The following NCAM2 variants were observed in gnomAD, a reference collection of about 807,000 sequenced individuals.
NCAM2 encodes the protein N-CAM-2.
In NCAM2, 30 loss-of-function variants were observed where a neutral mutation model predicts 98.1. The observed-to-expected ratio is 0.31, with a 90% confidence interval of 0.23 to 0.41. NCAM2 has a LOEUF of 0.41. Among genes scored for constraint, NCAM2 ranks in the 10% least tolerant of loss-of-function variants. The pLI is 1.00. For missense variants in NCAM2, 867 were observed against 1,005.8 expected (o/e 0.86, Z 1.87); for synonymous variants, 368 against 342.4 (o/e 1.07, Z -0.83).
intron 1 of NCAM2, among the ~76,000 whole-genome samples, chr21:21,119,271 A>G (rs1239010099): frequency 6.6e-6 from 1 of 152,124 alleles, no homozygotes; most frequent in African/African-American, 2.4e-5. Context: ...CTCAATTCTA[A>G]GTGCTTGTTT....
chr21:21,514,481 A>C (rs1011059840), intron 16 of NCAM2, among the ~76,000 whole-genome samples: 1,108 of 85,312 alleles, frequency 0.013, 19 homozygotes, highest in African/African-American at 0.056. Flanking sequence ...ACAAAAAAAA[A>C]AAAAAAAAAA....
At position 21,091,869 on chromosome 21, in the gene NCAM2, T is replaced by A. The variant is rs191918997; in HGVS notation, c.55+93251T>A. Among the ~76,000 whole-genome samples, 254 of 152,312 alleles carry A rather than the reference T, an allele frequency of 1.7e-3. 1 individual carries two copies. Among genetic ancestry groups the A allele is most frequent in the Middle Eastern group, 3.4e-3 (1 of 294 alleles). On this transcript the variant is annotated intron_variant, in intron 1 of 17. Transcript: ENST00000400546. ...AAAATACTCTTCCTTTGACTTTTTT[T>A]AAATAAAATGCTGTGAAAATGTTCA...
At chr21:21,133,092 CTT>C (rs1371989244) in intron 1 of NCAM2, among the ~76,000 whole-genome samples, 2 of 152,116 alleles carry the variant, frequency 1.3e-5, no homozygotes, top group Non-Finnish European at 2.9e-5. Context: ...TTGTATGTGA[CTT>C]TGGATTATTT....
chr21:21,206,209 A>G (rs2069431601), intron 1 of NCAM2, among the ~76,000 whole-genome samples: 1 of 152,118 alleles, frequency 6.6e-6, no homozygotes, highest in Non-Finnish European at 1.5e-5. Context: ...TCCATTTGTA[A>G]TACATTAAGT....
chr21:21,215,352 A>G (rs920966819), intron 1 of NCAM2, among the ~76,000 whole-genome samples: 1 of 152,210 alleles, frequency 6.6e-6, no homozygotes, highest in South Asian at 2.1e-4. Flanking sequence ...TTTGAAAAAT[A>G]TAAAGATCAT....
rs186249941 is a variant in NCAM2 at position 21,505,413 on chromosome 21, A to G, written c.2078-3438A>G. Among the ~76,000 whole-genome samples the G allele has an allele frequency of 7.2e-5, 11 of 152,232 alleles. No individual in the cohort carries two copies. In the East Asian group the frequency reaches 1.4e-3, roughly 19 times the overall value. ...CCTTGACCTCAAACTCTAAACCACC[A>G]TAACTGTTAAGAAATAAATTTCTTT... On this transcript the variant is annotated intron_variant, in intron 15 of 17. Transcript: ENST00000400546.
intron 5 of NCAM2, among the ~76,000 whole-genome samples, chr21:21,304,906 T>C (rs550478658): frequency 6.6e-6 from 1 of 152,322 alleles, no homozygotes; most frequent in African/African-American, 2.4e-5. Flanking sequence ...CACATTTTAA[T>C]TGTTAATTGT....
At chr21:21,014,576 T>A (rs1015791812) in intron 1 of NCAM2, among the ~76,000 whole-genome samples, 1 of 152,154 alleles carries the variant, frequency 6.6e-6, no homozygotes, top group Non-Finnish European at 1.5e-5. Flanking sequence ...AGAAAAAAGT[T>A]CCCTTCAAAA....
chr21:21,184,313 T>C (rs940502333), intron 1 of NCAM2, among the ~76,000 whole-genome samples: 2 of 140,960 alleles, frequency 1.4e-5, no homozygotes, highest in Non-Finnish European at 3.1e-5. Context: ...ATTTATAAAA[T>C]AAAAAAAAAA....
At chr21:21,509,173 A>G (rs1381881645) in intron 16 of NCAM2, 118 bp downstream of exon 16, 2 of 845,252 alleles carry the variant, frequency 2.4e-6, no homozygotes, top group African/African-American at 1.7e-5. Flanking sequence ...ATTATGCAAC[A>G]TTGGACACTG....
At chr21:21,423,917 A>T (rs1252570465) in intron 11 of NCAM2, among the ~76,000 whole-genome samples, 1 of 152,190 alleles carries the variant, frequency 6.6e-6, no homozygotes, top group African/African-American at 2.4e-5. Context: ...AACTGGATCA[A>T]TTGAATAGAA....
intron 1 of NCAM2, among the ~76,000 whole-genome samples, chr21:21,161,345 T>A (rs2067776485): frequency 6.6e-6 from 1 of 151,940 alleles, no homozygotes; most frequent in South Asian, 2.1e-4. Context: ...TTTATTTTAT[T>A]TATTTATTAT....
At chr21:21,355,077 A>G (rs934541903) in intron 8 of NCAM2, among the ~76,000 whole-genome samples, 2 of 152,146 alleles carry the variant, frequency 1.3e-5, no homozygotes, top group Non-Finnish European at 2.9e-5. Flanking sequence ...TAATTTTTGT[A>G]CTGTGAGTCC....
chr21:21,109,611 TTC>T (rs1352933459), intron 1 of NCAM2, among the ~76,000 whole-genome samples: 1 of 152,210 alleles, frequency 6.6e-6, no homozygotes, highest in African/African-American at 2.4e-5. Flanking sequence ...CACCAGTTTT[TTC>T]TTTCATTTTT....
At chr21:21,509,308 C>T (rs1988208204) in intron 16 of NCAM2, among the ~76,000 whole-genome samples, 1 of 152,048 alleles carries the variant, frequency 6.6e-6, no homozygotes, top group African/African-American at 2.4e-5. Context: ...GAATCACTAC[C>T]ATGATTTATA....
intron 11 of NCAM2, among the ~76,000 whole-genome samples, chr21:21,427,229 A>AC (rs2077233182): frequency 1.3e-5 from 2 of 152,168 alleles, no homozygotes; most frequent in Non-Finnish European, 2.9e-5. Context: ...TGAAAACAAA[A>AC]AAAAGAGATC....
chr21:21,330,036 A>C (rs1302959246), intron 6 of NCAM2, among the ~76,000 whole-genome samples: 1 of 151,872 alleles, frequency 6.6e-6, no homozygotes, highest in Non-Finnish European at 1.5e-5. Flanking sequence ...TATTTGTTCT[A>C]CTGTCTTTTT....
At chr21:21,150,828 G>A (rs1464631119) in intron 1 of NCAM2, among the ~76,000 whole-genome samples, 1 of 151,826 alleles carries the variant, frequency 6.6e-6, no homozygotes, top group Non-Finnish European at 1.5e-5. Flanking sequence ...TAATTGGGAA[G>A]TGTTCTCTGT....
intron 1 of NCAM2, among the ~76,000 whole-genome samples, chr21:21,198,182 ATATGTGTGTG>A (rs1368313517): frequency 5.6e-5 from 6 of 107,054 alleles, no homozygotes; most frequent in South Asian, 3.4e-4. Context: ...TATGTAAAGT[ATATGTGTGTG>A]TGTGTGTGTG....
Sources: gnomAD v4.1 joint callset for allele counts (sites outside exome capture counted in the v4.1 genomes callset) on GRCh38, gnomAD v4.1.1 for gene constraint, MANE v1.5 for transcripts, NCBI Gene and HGNC (gene_info 2026-07-23, HGNC 2026-07-21) for gene names.